The following XKR6 variants were observed in gnomAD, a reference collection of about 807,000 sequenced individuals.
The protein encoded by XKR6 is XK-related protein 6.
In XKR6, 22 loss-of-function variants were observed where a neutral mutation model predicts 56.7. The ratio of observed to expected loss-of-function variants is 0.39; its 90% CI spans 0.28 to 0.55. The LOEUF (loss-of-function observed/expected upper bound fraction) is 0.55. Among genes scored for constraint, XKR6 ranks in the 20% least tolerant of loss-of-function variants. XKR6 has a pLI of 0.66. For synonymous variants in XKR6, 524 were observed against 387.8 expected, an observed-to-expected ratio of 1.35 and a Z score of -4.13; for missense variants, 852 against 889.0, an observed-to-expected ratio of 0.96 and a Z score of 0.53.
chr8:11,099,325 A>C (rs986024116), intron 1 of XKR6, among the ~76,000 whole-genome samples: 1 of 152,244 alleles, frequency 6.6e-6, no homozygotes, highest in African/African-American at 2.4e-5. Flanking sequence ...CTGCTGCCCA[A>C]TAAATACCTG....
At chr8:11,138,574 G>A (rs1800521554) in intron 1 of XKR6, 2 of 152,168 alleles carry the variant, frequency 1.3e-5, no homozygotes, top group Admixed American at 1.3e-4. Context: ...AAACCATTAA[G>A]AAGCAAAACT....
chr8:11,171,406 G>A (rs1234761859), intron 1 of XKR6, among the ~76,000 whole-genome samples: 2 of 152,334 alleles, frequency 1.3e-5, no homozygotes, highest in East Asian at 3.9e-4. Flanking sequence ...ATAGAGTTTG[G>A]ATATTTTTCC....
chr8:11,147,342 A>G (rs1442865252), intron 1 of XKR6, among the ~76,000 whole-genome samples: 1 of 152,202 alleles, frequency 6.6e-6, no homozygotes, highest in Non-Finnish European at 1.5e-5. Context: ...CATGTGCATG[A>G]AATCTCAACG....
intron 1 of XKR6, among the ~76,000 whole-genome samples, chr8:11,135,095 C>G (rs34367737): frequency 1.3e-5 from 2 of 150,536 alleles, no homozygotes; most frequent in Non-Finnish European, 2.9e-5. Context: ...TGCAGTGGCA[C>G]GATCTTGGCT....
At chr8:11,060,187 G>A (rs1296815444) in intron 1 of XKR6, among the ~76,000 whole-genome samples, 2 of 152,184 alleles carry the variant, frequency 1.3e-5, no homozygotes, top group African/African-American at 4.8e-5. Flanking sequence ...CCAAGTTCTG[G>A]GCTTAGGGGT....
chr8:11,172,978 C>A (rs1802453615), intron 1 of XKR6, among the ~76,000 whole-genome samples: 1 of 152,230 alleles, frequency 6.6e-6, no homozygotes, highest in South Asian at 2.1e-4. Flanking sequence ...GGTATTTAAG[C>A]CATTAACAGA....
At chr8:11,036,163 G>T (rs890527943) in intron 1 of XKR6, among the ~76,000 whole-genome samples, 7 of 151,972 alleles carry the variant, frequency 4.6e-5, no homozygotes, top group African/African-American at 1.7e-4. Context: ...GCCTAGGTTG[G>T]TCTCTAACTC....
intron 1 of XKR6, among the ~76,000 whole-genome samples, chr8:11,038,432 C>T (rs1799200207): frequency 2.0e-5 from 3 of 150,640 alleles, no homozygotes; most frequent in South Asian, 4.2e-4. Context: ...TGGAGAGGCA[C>T]GAATAAATTG....
intron 1 of XKR6, among the ~76,000 whole-genome samples, chr8:10,949,661 ATAATGGGAAAACAGGCGAGCACCATTAAG>A (rs1482998013): frequency 6.6e-6 from 1 of 152,248 alleles, no homozygotes; most frequent in Non-Finnish European, 1.5e-5. Context: ...TCCCCATTTT[ATAATGGGAAAACAGGCGAGCACCATTAAG>A]TAACTCATCC....
chr8:11,099,999 G>C (rs377541288), intron 1 of XKR6, among the ~76,000 whole-genome samples: 21 of 152,320 alleles, frequency 1.4e-4, no homozygotes, highest in Middle Eastern at 3.4e-3. Context: ...CGGGTTGGGC[G>C]CTGGGAGGGA....
chr8:10,929,483 C>T (rs1800996384), intron 1 of XKR6, among the ~76,000 whole-genome samples: 1 of 152,236 alleles, frequency 6.6e-6, no homozygotes, highest in South Asian at 2.1e-4. Flanking sequence ...CTGCTCCTGC[C>T]CACGCACCTC....
chr8:11,032,407 T>C (rs2129152408), intron 1 of XKR6, among the ~76,000 whole-genome samples: 1 of 152,324 alleles, frequency 6.6e-6, no homozygotes, highest in South Asian at 2.1e-4. Context: ...AGAGTGTGTG[T>C]GCTGAGTACA....
chr8:11,009,074 T>C (rs1798440670), intron 1 of XKR6, among the ~76,000 whole-genome samples: 1 of 138,884 alleles, frequency 7.2e-6, no homozygotes, highest in African/African-American at 2.6e-5. Context: ...TCCTGGGTAG[T>C]CAGCAGCTGT....
intron 1 of XKR6, among the ~76,000 whole-genome samples, chr8:10,987,890 A>T (rs575573462): frequency 2.0e-5 from 3 of 152,272 alleles, no homozygotes; most frequent in African/African-American, 7.2e-5. Flanking sequence ...CTACTGTCTC[A>T]CAGCACCTGC....
intron 1 of XKR6, among the ~76,000 whole-genome samples, chr8:11,190,633 G>C (rs778927444): frequency 4.6e-5 from 7 of 152,176 alleles, no homozygotes; most frequent in South Asian, 2.1e-4. Context: ...TAACACATTA[G>C]ACTAGACATC....
intron 1 of XKR6, among the ~76,000 whole-genome samples, chr8:11,002,822 G>A (rs1798274405): frequency 6.6e-6 from 1 of 152,202 alleles, no homozygotes; most frequent in Non-Finnish European, 1.5e-5. Flanking sequence ...TCCCTCCTCA[G>A]GTGCTGATGT....
At chr8:11,031,955 C>G (rs1241140411) in intron 1 of XKR6, among the ~76,000 whole-genome samples, 1 of 152,206 alleles carries the variant, frequency 6.6e-6, no homozygotes, top group Non-Finnish European at 1.5e-5. Flanking sequence ...GGGAGATCCC[C>G]CCAGCAGGCA....
At chr8:11,131,903 G>A (rs1167427691) in intron 1 of XKR6, among the ~76,000 whole-genome samples, 1 of 152,196 alleles carries the variant, frequency 6.6e-6, no homozygotes, top group African/African-American at 2.4e-5. Context: ...ATCTAGGTTT[G>A]TGTATGTCAG....
Position 11,026,538 on chromosome 8 carries a change from C to A in XKR6, c.765-101708G>T, listed in dbSNP as rs532538341. On this transcript the variant is annotated intron_variant, in intron 1 of 2. Coordinates refer to ENST00000416569, the MANE Select transcript of XKR6 (RefSeq NM_173683.4). Reference sequence around the variant, plus strand: ...CTTAGATGGTCTAGCCTACTACACACCTAGATGGTCTAGCCTACTAAACTC... The same window carrying A: ...CTTAGATGGTCTAGCCTACTACACAACTAGATGGTCTAGCCTACTAAACTC... Among the ~76,000 whole-genome samples, 295 of 151,204 alleles carry A rather than the reference C, an allele frequency of 2.0e-3. 1 individual carries two copies. Among genetic ancestry groups the A allele is most frequent in the Non-Finnish European group, 2.7e-3 (180 of 67,646 alleles).
Sources: allele counts gnomAD v4.1 joint callset (sites outside exome capture counted in the v4.1 genomes callset), GRCh38; gene constraint gnomAD v4.1.1; transcripts MANE v1.5; gene names NCBI Gene and HGNC (gene_info 2026-07-23, HGNC 2026-07-21).